The following GALNT11 variants were observed in gnomAD, a reference collection of about 807,000 sequenced individuals.
The protein encoded by GALNT11 is UDP-GalNAc:polypeptide N-acetylgalactosaminyltransferase 11.
A neutral mutation model predicts 72.7 loss-of-function variants in GALNT11; 47 were observed. The observed-to-expected ratio is 0.65, with a 90% CI of 0.51 to 0.82. The LOEUF (loss-of-function observed/expected upper bound fraction) is 0.82, where lower values mean the gene tolerates loss of function less well. Ranked by LOEUF, GALNT11 falls within the 40% of genes least tolerant of loss-of-function variation. GALNT11 has a pLI of 0.00. For missense variants in GALNT11, 677 were observed against 778.4 expected, an observed-to-expected ratio of 0.87 and a Z score of 1.55; for synonymous variants, 270 against 286.6, an observed-to-expected ratio of 0.94 and a Z score of 0.58.
At chr7:152,098,946 G>C (rs2086569033) in intron 2 of GALNT11, among the ~76,000 whole-genome samples, 1 of 152,110 alleles carries the variant, frequency 6.6e-6, no homozygotes, top group South Asian at 2.1e-4. Context: ...GGGAAACACT[G>C]CATTCTATTT....
chr7:152,118,994 C>T (rs780461320), intron 10 of GALNT11: 5 of 367,404 alleles, frequency 1.4e-5, no homozygotes, highest in East Asian at 8.8e-5. Flanking sequence ...GATTTTTCAC[C>T]GAAAAAAACT....
chr7:152,094,444 G>A lies in GALNT11; in HGVS notation c.217G>A (p.Ala73Thr), dbSNP rs1204769803. Reference sequence around the variant, plus strand: ...TCGAGTGCTCGAGCCACAGTTCAAAGCAAACAAAATTGACGATGTGATAGA... The same window carrying A: ...TCGAGTGCTCGAGCCACAGTTCAAAACAAACAAAATTGACGATGTGATAGA... The part of the protein sequence containing the change: ...PSRVLEPQFK[A>T]NKIDDVIDSR... Residue 73 changes from alanine to threonine, a missense_variant, in exon 2 of 12, where the codon GCA (alanine) becomes ACA (threonine). Physicochemically the swap from Ala to Thr is moderately conservative, Grantham distance 58. Transcript: ENST00000430044. This position sits in a 1 kb window ranked among gnomAD's most constrained non-coding sequence, Gnocchi z 4.3. 1.9e-6 allele frequency: 3 copies of A among 1,614,028 alleles called. No homozygotes were observed. Among genetic ancestry groups the A allele is most frequent in the Non-Finnish European group, 2.5e-6 (3 of 1,180,042 alleles).
At position 152,105,254 on chromosome 7, in the gene GALNT11, AAGG is replaced by A. The variant is rs2087407195; in HGVS notation, c.599_601del (p.Gly200del). On this transcript the variant is annotated inframe_deletion, in exon 5 of 12. Transcript: ENST00000430044. ...GGGACTTTATTTTCAGATGATTTGA[AAGG>A]AGAACTAGATGAATATGTCCAAAAA... 6.2e-7 allele frequency: 1 copy of A among 1,613,272 alleles called. No homozygotes were observed. The highest frequency in any genetic ancestry group is 8.5e-7 in the Non-Finnish European group (1 of 1,179,756).
At chr7:152,118,527 G>T in intron 9 of GALNT11, 151 bp from the exon 10 acceptor site, 1 of 642,394 alleles carries the variant, frequency 1.6e-6, no homozygotes. Flanking sequence ...TCTGAGGCTA[G>T]AACTTAGGAA....
intron 2 of GALNT11, among the ~76,000 whole-genome samples, chr7:152,099,913 C>T (rs1488402035): frequency 6.7e-6 from 1 of 149,474 alleles, no homozygotes; most frequent in East Asian, 2.0e-4. Flanking sequence ...ATGGAGACTA[C>T]AGGTGTGAGC....
chr7:152,027,908 G>A (rs1406290581), intron 1 of GALNT11, among the ~76,000 whole-genome samples: 1 of 117,206 alleles, frequency 8.5e-6, no homozygotes, highest in East Asian at 3.1e-4. Context: ...CCTCCCAGTG[G>A]GTTCATGAGC....
At chr7:152,040,372 A>T (rs1213781809) in intron 1 of GALNT11, among the ~76,000 whole-genome samples, 1 of 152,196 alleles carries the variant, frequency 6.6e-6, no homozygotes, top group Admixed American at 6.5e-5. Context: ...CCTGTAAAAG[A>T]TGAGGAACGC....
rs746792980 is a variant in GALNT11, at chr7:152,108,138, C to T, written c.813C>T (p.Cys271=). ...GTGAGGACCGGCACACCGTGGTGTGCCCAGTGATTGACATCATCAGCGCCG... is the reference window on the plus strand; with the variant it reads ...GTGAGGACCGGCACACCGTGGTGTGTCCAGTGATTGACATCATCAGCGCCG... ...AIREDRHTVV[C]PVIDIISADT... is the part of the protein sequence containing the mutation. Residue 271 remains cysteine (C), a synonymous_variant, in exon 6 of 12, where the codon TGC becomes TGT. Transcript: ENST00000430044. The T allele has an allele frequency of 3.1e-6, 5 of 1,613,960 alleles. No homozygotes were observed. The highest frequency in any genetic ancestry group is 1.1e-5 in the South Asian group (1 of 91,086).
At chr7:152,061,702 G>A (rs2084028227) in intron 1 of GALNT11, among the ~76,000 whole-genome samples, 1 of 152,154 alleles carries the variant, frequency 6.6e-6, no homozygotes, top group African/African-American at 2.4e-5. Flanking sequence ...TGGCTAGCCA[G>A]TTTTCCCAGC....
intron 1 of GALNT11, among the ~76,000 whole-genome samples, chr7:152,072,758 A>T (rs1407673809): frequency 6.6e-6 from 1 of 152,236 alleles, no homozygotes; most frequent in Non-Finnish European, 1.5e-5. Flanking sequence ...TTAGATTGTG[A>T]GGTCTGGCTC....
chr7:152,069,161 A>T (rs114079036), intron 1 of GALNT11, among the ~76,000 whole-genome samples: 124 of 152,298 alleles, frequency 8.1e-4, no homozygotes, highest in Non-Finnish European at 1.6e-3. Flanking sequence ...TTAGTTCAAT[A>T]TATTGTTTAA....
At chr7:152,103,382 TC>T in intron 4 of GALNT11, 104 bp downstream of exon 4, 1 of 1,165,558 alleles carries the variant, frequency 8.6e-7, no homozygotes. Context: ...TAGGTGGGGA[TC>T]CTACACGTGC....
chr7:152,088,187 A>G (rs1292168950), intron 1 of GALNT11, among the ~76,000 whole-genome samples: 1 of 152,214 alleles, frequency 6.6e-6, no homozygotes, highest in Non-Finnish European at 1.5e-5. Flanking sequence ...TGGTAGTGTG[A>G]TACAAGTGAT....
At chr7:152,055,660 C>G (rs1429049958) in intron 1 of GALNT11, among the ~76,000 whole-genome samples, 1 of 150,742 alleles carries the variant, frequency 6.6e-6, no homozygotes, top group Admixed American at 6.6e-5. Flanking sequence ...TTCTCAAAAA[C>G]TAGAATTGGT....
chr7:152,119,605 A>G (rs1267472554), intron 10 of GALNT11: 1 of 152,154 alleles, frequency 6.6e-6, no homozygotes, highest in Non-Finnish European at 1.5e-5. Flanking sequence ...CCCAGTGCAG[A>G]GGCTCATGCC....
intron 5 of GALNT11, 106 bp from the exon 6 acceptor site, chr7:152,107,932 G>GC (rs2087763953): frequency 7.5e-7 from 1 of 1,335,956 alleles, no homozygotes; most frequent in Admixed American, 2.1e-5. Context: ...TGGGAGGGTG[G>GC]CAGTCGTGTT....
intron 5 of GALNT11, chr7:152,107,251 A>C (rs2129055964): frequency 6.6e-6 from 1 of 152,290 alleles, no homozygotes; most frequent in African/African-American, 2.4e-5. Context: ...AATTATAAAA[A>C]AAAAAAAAAC....
At chr7:152,062,238 G>T (rs761936013) in intron 1 of GALNT11, among the ~76,000 whole-genome samples, 24 of 152,160 alleles carry the variant, frequency 1.6e-4, no homozygotes, top group Non-Finnish European at 2.6e-4. Flanking sequence ...TGAAGCAATT[G>T]TGAATGGGAG....
intron 6 of GALNT11, 48 bp from the exon 7 acceptor site, chr7:152,110,480 A>T: frequency 5.2e-6 from 7 of 1,334,704 alleles, no homozygotes; most frequent in Non-Finnish European, 7.4e-6. Context: ...AGTAGTAGGT[A>T]AGATAACTGA....
Sources: gnomAD v4.1 joint callset for allele counts (sites outside exome capture counted in the v4.1 genomes callset) on GRCh38, gnomAD v4.1.1 for gene constraint, Gnocchi (gnomAD v3.1) non-coding constraint, MANE v1.5 for transcripts, NCBI Gene and HGNC (gene_info 2026-07-23, HGNC 2026-07-21) for gene names.